The following SRGAP1 variants were observed in gnomAD, a reference collection of about 807,000 sequenced individuals.
SRGAP1 encodes SLIT-ROBO Rho GTPase activating protein 1.
In SRGAP1, 43 loss-of-function variants were observed where a neutral mutation model predicts 121.9. The ratio of observed to expected loss-of-function variants is 0.35; its 90% CI spans 0.28 to 0.46. The LOEUF is 0.46. Ranked by LOEUF, SRGAP1 falls within the 20% of genes least tolerant of loss-of-function variation. The pLI, the probability that SRGAP1 is intolerant of heterozygous loss-of-function variation, is 1.00. For synonymous variants in SRGAP1, 447 were observed against 485.4 expected, an observed-to-expected ratio of 0.92 and a Z score of 1.04; for missense variants, 1,102 against 1,350.9, an observed-to-expected ratio of 0.82 and a Z score of 2.89.
chr12:64,116,714 A>G (rs2036530127), intron 18 of SRGAP1, among the ~76,000 whole-genome samples: 2 of 152,320 alleles, frequency 1.3e-5, no homozygotes, highest in South Asian at 2.1e-4. Flanking sequence ...CATTTTGAAC[A>G]TGTCTTCTAC....
At chr12:64,041,193 T>C (rs1016177174) in intron 4 of SRGAP1, among the ~76,000 whole-genome samples, 13 of 152,034 alleles carry the variant, frequency 8.6e-5, no homozygotes, top group Non-Finnish European at 1.6e-4. Context: ...TATGGAACAG[T>C]CATATAGACA....
chr12:64,037,877 G>A (rs185598258), intron 4 of SRGAP1, among the ~76,000 whole-genome samples: 1 of 152,322 alleles, frequency 6.6e-6, no homozygotes, highest in Admixed American at 6.5e-5. Context: ...TAAGCACCAA[G>A]CACATGTTGA....
intron 1 of SRGAP1, among the ~76,000 whole-genome samples, chr12:63,973,327 C>A (rs1044616237): frequency 5.9e-5 from 9 of 152,192 alleles, no homozygotes; most frequent in African/African-American, 2.2e-4. Flanking sequence ...TAATTACATA[C>A]TATGTATAAT....
At chr12:63,885,481 T>A (rs1900347823) in intron 1 of SRGAP1, among the ~76,000 whole-genome samples, 1 of 152,156 alleles carries the variant, frequency 6.6e-6, no homozygotes, top group Admixed American at 6.5e-5. Flanking sequence ...GGAGGCTTCA[T>A]TACATAGGCA....
intron 1 of SRGAP1, among the ~76,000 whole-genome samples, chr12:63,874,954 TG>T (rs1175287933): frequency 6.6e-6 from 1 of 152,228 alleles, no homozygotes; most frequent in Non-Finnish European, 1.5e-5. Flanking sequence ...CTTGCTCTGC[TG>T]CTCAGGCTAG....
intron 4 of SRGAP1, among the ~76,000 whole-genome samples, chr12:64,020,803 A>G (rs1244918578): frequency 1.4e-5 from 2 of 147,550 alleles, no homozygotes; most frequent in Non-Finnish European, 3.0e-5. Flanking sequence ...AGATTGTGCC[A>G]CTGCACTCCA....
chr12:64,127,009 T>G (rs1266846339), intron 19 of SRGAP1, among the ~76,000 whole-genome samples: 1 of 152,212 alleles, frequency 6.6e-6, no homozygotes, highest in Non-Finnish European at 1.5e-5. Context: ...CGCAAATACT[T>G]GTTTACACCA....
intron 6 of SRGAP1, among the ~76,000 whole-genome samples, chr12:64,044,674 CTT>C (rs558248193): frequency 0.02 from 1,435 of 72,060 alleles, 40 homozygotes; most frequent in African/African-American, 0.052. Context: ...TGATGTGCCT[CTT>C]TTTTTTTTTT....
At chr12:63,940,816 G>A (rs1035564005) in intron 1 of SRGAP1, among the ~76,000 whole-genome samples, 5 of 152,200 alleles carry the variant, frequency 3.3e-5, no homozygotes, top group Non-Finnish European at 5.9e-5. Flanking sequence ...GCTCACAAGG[G>A]CACCTGCCTC....
chr12:63,951,103 A>G lies in SRGAP1; in HGVS notation c.68-32844A>G, dbSNP rs189916966. Reference sequence around the variant, plus strand: ...TTATCTGAGTACCTGACACATAGTAAGTACTTAATTCATATTTGTGAATGG... The same window carrying G: ...TTATCTGAGTACCTGACACATAGTAGGTACTTAATTCATATTTGTGAATGG... On this transcript the variant is annotated intron_variant, in intron 1 of 21. Transcript: ENST00000355086. Among the ~76,000 whole-genome samples the G allele has an allele frequency of 5.6e-3, 832 of 147,802 alleles. 8 individuals carry two copies. The highest frequency in any genetic ancestry group is 0.01 in the South Asian group (46 of 4,594).
chr12:63,991,605 A>G (rs932972080), intron 3 of SRGAP1, among the ~76,000 whole-genome samples: 7 of 152,200 alleles, frequency 4.6e-5, no homozygotes, highest in African/African-American at 1.7e-4. Context: ...TTTCTTGTAT[A>G]TGAGCTCTTT....
At chr12:64,125,255 C>T (rs965978092) in intron 18 of SRGAP1, among the ~76,000 whole-genome samples, 1 of 152,044 alleles carries the variant, frequency 6.6e-6, no homozygotes, top group African/African-American at 2.4e-5. Flanking sequence ...CACCATCATT[C>T]CCTTGAATAT....
At chr12:64,024,259 T>C (rs2034607987) in intron 4 of SRGAP1, among the ~76,000 whole-genome samples, 2 of 152,080 alleles carry the variant, frequency 1.3e-5, no homozygotes, top group South Asian at 4.1e-4. Flanking sequence ...CAAAAACCTG[T>C]CTCTCCTAAA....
intron 4 of SRGAP1, among the ~76,000 whole-genome samples, chr12:64,027,469 G>A (rs1330949320): frequency 6.6e-6 from 1 of 152,082 alleles, no homozygotes; most frequent in Non-Finnish European, 1.5e-5. Context: ...GGATAGCCAG[G>A]ATTTCAATAA....
At chr12:64,020,843 C>CAAAAA (rs34144761) in intron 4 of SRGAP1, among the ~76,000 whole-genome samples, 71 of 68,938 alleles carry the variant, frequency 1.0e-3, no homozygotes, top group East Asian at 1.4e-3. Context: ...GACTCCGTCT[C>CAAAAA]AAAAAAAAAA....
At chr12:64,015,737 C>G (rs144904046) in intron 3 of SRGAP1, among the ~76,000 whole-genome samples, 1 of 152,072 alleles carries the variant, frequency 6.6e-6, no homozygotes, top group Non-Finnish European at 1.5e-5. Context: ...CACAGGACAC[C>G]GAGGGGTTGC....
chr12:63,929,489 G>A (rs577667580), intron 1 of SRGAP1, among the ~76,000 whole-genome samples: 3 of 152,016 alleles, frequency 2.0e-5, no homozygotes, highest in African/African-American at 4.8e-5. Flanking sequence ...ATAAAACAAC[G>A]ATACCTGGGT....
rs374624979 is a variant in SRGAP1, at chr12:64,134,372, G to T, written c.2880+6172G>T. On this transcript the variant is annotated intron_variant, in intron 21 of 21. Transcript: ENST00000355086. ...GGAGGCAGAGCTTGCAGTGAGCCAA[G>T]ATTGCGCCACTGCACTCTAGCCTGA... is the stretch of plus-strand genomic sequence containing the variant. Among the ~76,000 whole-genome samples, 8 of 150,222 alleles carry T rather than the reference G, an allele frequency of 5.3e-5. No homozygotes were observed. In the East Asian group the frequency reaches 1.4e-3, roughly 26 times the overall value.
chr12:63,981,935 C>T (rs2033263904), intron 1 of SRGAP1, among the ~76,000 whole-genome samples: 1 of 151,170 alleles, frequency 6.6e-6, no homozygotes, highest in Non-Finnish European at 1.5e-5. Flanking sequence ...AGTGTTTGGC[C>T]GGGCGCGGTG....
Sources: gnomAD v4.1 joint callset for allele counts (sites outside exome capture counted in the v4.1 genomes callset) on GRCh38, gnomAD v4.1.1 for gene constraint, MANE v1.5 for transcripts, NCBI Gene and HGNC (gene_info 2026-07-23, HGNC 2026-07-21) for gene names.